ASS1: variants seen among roughly 807,000 people sequenced by gnomAD.
ASS1 encodes argininosuccinate synthase.
Under a neutral mutation model 60.5 loss-of-function variants are expected in ASS1, and 58 were observed. The observed-to-expected ratio is 0.96, with a 90% CI of 0.78 to 1.19. The LOEUF is 1.19. Among genes scored for constraint, ASS1 ranks in the 50% most tolerant of loss-of-function variants. The pLI is 0.00. For missense variants in ASS1, 454 were observed against 547.3 expected (o/e 0.83, Z 1.70); for synonymous variants, 200 against 206.9 (o/e 0.97, Z 0.29).
chr9:130,464,752 G>A (rs1298703589), intron 5 of ASS1, among the ~76,000 whole-genome samples: 1 of 152,020 alleles, frequency 6.6e-6, no homozygotes, highest in East Asian at 1.9e-4. Flanking sequence ...TGCCCAGACT[G>A]CTACTACCAT....
intron 5 of ASS1, 118 bp from the exon 6 acceptor site, chr9:130,466,606 TG>T: frequency 1.1e-6 from 1 of 923,642 alleles, no homozygotes; most frequent in Non-Finnish European, 1.7e-6. Flanking sequence ...GCATCCTCTC[TG>T]GGGACATGCT....
At chr9:130,495,394 G>A (rs1480038856) in intron 13 of ASS1, among the ~76,000 whole-genome samples, 1 of 149,334 alleles carries the variant, frequency 6.7e-6, no homozygotes. Flanking sequence ...ACCAGCCTAG[G>A]CAACATAGAA....
At chr9:130,446,665 G>C (rs1331519371) in intron 1 of ASS1, among the ~76,000 whole-genome samples, 1 of 152,182 alleles carries the variant, frequency 6.6e-6, no homozygotes, top group Non-Finnish European at 1.5e-5. Flanking sequence ...CAGGAGCCTT[G>C]GGGTGGAGCC....
At chr9:130,484,848 G>A (rs956672426) in intron 11 of ASS1, among the ~76,000 whole-genome samples, 2 of 151,246 alleles carry the variant, frequency 1.3e-5, no homozygotes, top group East Asian at 1.9e-4. Flanking sequence ...CGCGCGCGTC[G>A]GCAGCAACCT....
At chr9:130,454,754 A>G (rs1845401614) in intron 3 of ASS1, among the ~76,000 whole-genome samples, 1 of 147,586 alleles carries the variant, frequency 6.8e-6, no homozygotes, top group South Asian at 2.1e-4. Context: ...TCAGCCATCC[A>G]TCCATCCATC....
chr9:130,462,186 A>G (rs1845613982), intron 4 of ASS1, among the ~76,000 whole-genome samples: 1 of 151,656 alleles, frequency 6.6e-6, no homozygotes, highest in African/African-American at 2.4e-5. Flanking sequence ...TGGAAATATG[A>G]TTCTGAGACT....
chr9:130,460,775 C>T (rs768256846), intron 4 of ASS1, among the ~76,000 whole-genome samples: 24 of 152,062 alleles, frequency 1.6e-4, no homozygotes, highest in Non-Finnish European at 2.9e-4. Context: ...ATGGAGGTGG[C>T]CAGTGACTAC....
rs776452362 is a variant in ASS1, at chr9:130,489,418, A to C, written c.924A>C (p.Lys308Asn). Reference protein sequence around the residue: ...EAFTMDREVRKIKQGLGLKFA... With the variant: ...EAFTMDREVRNIKQGLGLKFA... ...TCACCATGGACCGGGAAGTGCGCAA[A>C]ATCAAACAAGGCCTGGGCTTGAAAT... Residue 308 changes from lysine (K) to asparagine (N), a missense_variant, in exon 12 of 15, where the codon AAA (lysine) becomes AAC (asparagine). By Grantham distance (94) the Lys-to-Asn change is moderately conservative. Coordinates refer to ENST00000352480, the MANE Select transcript of ASS1 (RefSeq NM_054012.4). This position sits in a 1 kb window ranked among gnomAD's most constrained non-coding sequence, Gnocchi z 4.1. The C allele has an allele frequency of 1.2e-6, 2 of 1,613,828 alleles. No homozygotes were observed. Among genetic ancestry groups the C allele is most frequent in the African/African-American group, 2.7e-5 (2 of 74,820 alleles).
chr9:130,451,123 G>T (rs79584419), intron 1 of ASS1, among the ~76,000 whole-genome samples: 1 of 152,328 alleles, frequency 6.6e-6, no homozygotes, highest in African/African-American at 2.4e-5. Context: ...GGAGGCATGT[G>T]GGGGAGGGGG....
At chr9:130,450,305 A>G in intron 1 of ASS1, 1 of 987,806 alleles carries the variant, frequency 1.0e-6, no homozygotes, top group Non-Finnish European at 1.2e-6. Flanking sequence ...CAGATTCCAG[A>G]CGCCGGGAAC....
At chr9:130,451,591 T>TCCA in intron 1 of ASS1, 2 of 350,152 alleles carry the variant, frequency 5.7e-6, no homozygotes, top group Non-Finnish European at 1.1e-5. Context: ...AGCATCCTTC[T>TCCA]CCACCTGCAG....
At position 130,476,799 on chromosome 9, in the gene ASS1, C is replaced by T; in HGVS notation, c.598-72C>T. 7.1e-7 allele frequency: 1 copy of T among 1,403,996 alleles called. No individual in the cohort carries two copies. The highest frequency in any genetic ancestry group is 1.0e-6 in the Non-Finnish European group (1 of 990,338). 87.0% of individuals were successfully genotyped at this position (1,403,996 alleles called of 1,614,324 possible). ...GGACAGAGGAGAGGGGTGCAGATCC[C>T]CGCGGGAGGTGGGCTGTAGGGTGTC... On this transcript the variant is annotated intron_variant, in intron 8 of 14. Transcript: ENST00000352480. This position sits in a 1 kb window ranked among gnomAD's most constrained non-coding sequence, Gnocchi z 4.9.
At chr9:130,458,259 A>G (rs2131873775) in intron 3 of ASS1, 142 bp from the exon 4 acceptor site, 1 of 860,764 alleles carries the variant, frequency 1.2e-6, no homozygotes, top group Non-Finnish European at 1.9e-6. Context: ...AATGATGTCT[A>G]CTACAGATGC....
In ASS1 at chr9:130,476,997, A is replaced by C; in HGVS notation, c.688+36A>C. Reference sequence around the variant, plus strand: ...ACCTGTTGGGACTCGAAGGGGGTTGACTTTTGGGGCCCTGGCTCCTTTCCC... The same window carrying C: ...ACCTGTTGGGACTCGAAGGGGGTTGCCTTTTGGGGCCCTGGCTCCTTTCCC... On this transcript the variant is annotated intron_variant, in intron 9 of 14. Coordinates refer to ENST00000352480, the MANE Select transcript of ASS1 (RefSeq NM_054012.4). The surrounding 1 kb of genome is among the most constrained non-coding windows in gnomAD (Gnocchi z 4.9). 1.3e-6 allele frequency: 2 copies of C among 1,592,368 alleles called. No homozygotes were observed. Among genetic ancestry groups the C allele is most frequent in the Non-Finnish European group, 1.7e-6 (2 of 1,160,432 alleles).
chr9:130,490,344 G>A (rs924218301), intron 12 of ASS1, among the ~76,000 whole-genome samples: 3 of 151,746 alleles, frequency 2.0e-5, no homozygotes, highest in Admixed American at 6.6e-5. Flanking sequence ...ACGGACTTTC[G>A]CTCTTGTTGC....
intron 13 of ASS1, among the ~76,000 whole-genome samples, chr9:130,496,868 G>C (rs376117550): frequency 6.6e-6 from 1 of 152,244 alleles, no homozygotes; most frequent in Non-Finnish European, 1.5e-5. Flanking sequence ...CCCACTAGAC[G>C]TGGGTCCCCT....
intron 10 of ASS1, 127 bp downstream of exon 10, chr9:130,479,927 C>G: frequency 9.0e-7 from 1 of 1,110,230 alleles, no homozygotes; most frequent in Non-Finnish European, 1.4e-6. Flanking sequence ...TGTCCCTTCC[C>G]CATAGCCACA....
Position 130,470,928 on chromosome 9 carries a change from C to T in ASS1, c.566+24C>T. The T allele has an allele frequency of 1.2e-6, 2 of 1,612,274 alleles. No homozygotes were observed. Among genetic ancestry groups the T allele is most frequent in the South Asian group, 2.2e-5 (2 of 91,064 alleles). On this transcript the variant is annotated intron_variant, in intron 7 of 14. Coordinates refer to ENST00000352480, the MANE Select transcript of ASS1 (RefSeq NM_054012.4). The surrounding 1 kb of genome is among the most constrained non-coding windows in gnomAD (Gnocchi z 4.3). ...AGGTAAATCCCACCCTCCACCCATC[C>T]TTGGTCCTCCCGGGCTCATTCCAAA...
In ASS1 at chr9:130,488,869, C is replaced by T. The variant is rs1846374348; in HGVS notation, c.839-464C>T. ...CTGGAGAGACCTGGCCGCAGGGGCC[C>T]CATGGGCTGAAGGTGGCATGTGTGT... On this transcript the variant is annotated intron_variant, in intron 11 of 14. Transcript: ENST00000352480. This position sits in a 1 kb window ranked among gnomAD's most constrained non-coding sequence, Gnocchi z 5.2. Among the ~76,000 whole-genome samples the T allele has an allele frequency of 6.6e-6, 1 of 152,202 alleles. No homozygotes were observed. The highest frequency in any genetic ancestry group is 1.5e-5 in the Non-Finnish European group (1 of 68,046).
Sources: allele counts gnomAD v4.1 joint callset (sites outside exome capture counted in the v4.1 genomes callset), GRCh38; gene constraint gnomAD v4.1.1; non-coding constraint Gnocchi (gnomAD v3.1); transcripts MANE v1.5; gene names NCBI Gene and HGNC (gene_info 2026-07-23, HGNC 2026-07-21).